Variants in AKAP9 observed in about 807,000 individuals in gnomAD.
AKAP9 encodes A-kinase anchor protein 9.
Under a neutral mutation model 488.5 loss-of-function variants are expected in AKAP9, and 311 were observed. The observed-to-expected ratio is 0.64, with a 90% CI of 0.58 to 0.70. The LOEUF is 0.70. Ranked by LOEUF, AKAP9 falls within the 30% of genes least tolerant of loss-of-function variation. The pLI, the probability that AKAP9 is intolerant of heterozygous loss-of-function variation, is 0.00. For missense variants in AKAP9, 4,215 were observed against 4,374.5 expected (o/e 0.96, Z 1.03); for synonymous variants, 1,462 against 1,483.5 (o/e 0.99, Z 0.33).
intron 8 of AKAP9, among the ~76,000 whole-genome samples, chr7:92,005,229 A>T (rs1178015121): frequency 6.6e-6 from 1 of 152,142 alleles, no homozygotes; most frequent in Admixed American, 6.6e-5. Flanking sequence ...CCAGTATTTT[A>T]TTGAGGATTT....
intron 49 of AKAP9, chr7:92,109,174 G>GA (rs372102409): frequency 5.0e-6 from 1 of 200,014 alleles, no homozygotes; most frequent in East Asian, 7.9e-5. Flanking sequence ...ATGTATCATC[G>GA]AAAAAAACTA....
At chr7:92,044,047 G>A (rs1806561060) in intron 20 of AKAP9, among the ~76,000 whole-genome samples, 1 of 152,172 alleles carries the variant, frequency 6.6e-6, no homozygotes, top group South Asian at 2.1e-4. Flanking sequence ...TTGCATGGTA[G>A]AATGTTCATG....
chr7:91,986,649 A>T (rs931801963), intron 3 of AKAP9, among the ~76,000 whole-genome samples: 1 of 152,184 alleles, frequency 6.6e-6, no homozygotes, highest in Admixed American at 6.5e-5. Flanking sequence ...AATTCTTGTT[A>T]TAATAAGACA....
intron 8 of AKAP9, 65 bp from the exon 9 acceptor site, chr7:92,012,364 A>C (rs1358427880): frequency 2.8e-6 from 4 of 1,453,598 alleles, no homozygotes; most frequent in Non-Finnish European, 3.8e-6. Context: ...ATGCAAAAAA[A>C]AGAAGTTAAA....
At chr7:92,018,233 G>A (rs1202425952) in intron 12 of AKAP9, among the ~76,000 whole-genome samples, 1 of 151,906 alleles carries the variant, frequency 6.6e-6, no homozygotes. Flanking sequence ...ATATTAGGAA[G>A]TATAAACCAG....
In AKAP9 at chr7:92,002,136, C is replaced by T. The variant is rs1254641731; in HGVS notation, c.2219C>T (p.Thr740Ile). The change falls in exon 8 of 50, where the codon ACA (threonine) becomes ATA (isoleucine). Residue 740 changes from threonine (T) to isoleucine (I), a missense_variant. Coordinates refer to ENST00000356239, the MANE Select transcript of AKAP9 (RefSeq NM_005751.5). ...AGACAAGAAGAAAAAGAAAAGGGTACACTTGAACAAGAAGTTCAAGAATTA... is the reference window on the plus strand; with the variant it reads ...AGACAAGAAGAAAAAGAAAAGGGTATACTTGAACAAGAAGTTCAAGAATTA... ...ILRQEEKEKG[T>I]LEQEVQELQL... 6.3e-7 allele frequency: 1 copy of T among 1,593,168 alleles called. No homozygotes were observed. Among genetic ancestry groups the T allele is most frequent in the Non-Finnish European group, 8.5e-7 (1 of 1,173,390 alleles).
chr7:92,102,170 A>AAAATAAATAAAT (rs1554469466), intron 45 of AKAP9, among the ~76,000 whole-genome samples: 5 of 135,004 alleles, frequency 3.7e-5, no homozygotes, highest in South Asian at 4.7e-4. Context: ...ATTTAAAAAA[A>AAAATAAATAAAT]AAATAAATAA....
chr7:91,965,794 AT>A, intron 1 of AKAP9, among the ~76,000 whole-genome samples: 1 of 152,264 alleles, frequency 6.6e-6, no homozygotes, highest in Middle Eastern at 3.4e-3. Flanking sequence ...AACATTGAGC[AT>A]TGTTTCAGAT....
chr7:92,101,114 A>G (rs758859703), intron 45 of AKAP9, 58 bp downstream of exon 45: 10 of 1,535,010 alleles, frequency 6.5e-6, no homozygotes, highest in South Asian at 1.2e-5. Context: ...GCCTTCTTTC[A>G]TCTCTCACTG....
intron 38 of AKAP9, chr7:92,090,152 A>G (rs1483693858): frequency 1.3e-5 from 2 of 152,212 alleles, no homozygotes; most frequent in Admixed American, 6.5e-5. Flanking sequence ...TTTGAACTTT[A>G]TCAATCTGTA....
rs964963962 is a variant in AKAP9, at chr7:92,110,537, C to T, written c.*378C>T. ...AGGCTACTGAAGTTACATGTTTTGC[C>T]TAATATATTCTACTGGTGATGAAGA... On this transcript the variant is annotated 3_prime_UTR_variant, in exon 50 of 50. Transcript: ENST00000356239. The T allele has an allele frequency of 3.0e-5, 8 of 269,104 alleles. No homozygotes were observed. Among genetic ancestry groups the T allele is most frequent in the African/African-American group, 1.5e-4 (7 of 45,500 alleles). The allele number at this position is 269,104 out of a possible 1,614,324, so 16.7% of individuals were successfully genotyped here.
Position 92,038,766 on chromosome 7 carries a change from A to G in AKAP9, c.4686A>G (p.Arg1562=), listed in dbSNP as rs776202697. Residue 1562 remains arginine, a synonymous_variant, in exon 17 of 50, where the codon AGA becomes AGG. Transcript: ENST00000356239. Reference sequence around the variant, plus strand: ...CCAAAGATAAAACATTTATAGTTAGACAGTCTGTAAGTATGCCTCCTTGAA... The same window carrying G: ...CCAAAGATAAAACATTTATAGTTAGGCAGTCTGTAAGTATGCCTCCTTGAA... ...MFSKDKTFIV[R]QSIHDEISVS... 4.4e-6 allele frequency: 7 copies of G among 1,597,976 alleles called. No homozygotes were observed. The highest frequency in any genetic ancestry group is 5.1e-6 in the Non-Finnish European group (6 of 1,169,744).
At chr7:92,052,642 C>A in intron 21 of AKAP9, 84 bp from the exon 22 acceptor site, 1 of 922,666 alleles carries the variant, frequency 1.1e-6, no homozygotes, top group South Asian at 1.7e-5. Context: ...CCATGATTTC[C>A]AGTTTAGTTT....
In AKAP9 at chr7:92,093,315, A is replaced by G. The variant is rs199762211; in HGVS notation, c.9577A>G (p.Arg3193Gly). The G allele has an allele frequency of 6.2e-6, 10 of 1,613,562 alleles. No homozygotes were observed. Among genetic ancestry groups the G allele is most frequent in the Non-Finnish European group, 8.5e-6 (10 of 1,179,798 alleles). ...ACACCTAAAAGAATTGGAGGCTTTCAGGTGTGCCAGGCTTCCTTATTAAAA... is the reference window on the plus strand; with the variant it reads ...ACACCTAAAAGAATTGGAGGCTTTCGGGTGTGCCAGGCTTCCTTATTAAAA... Reference protein sequence around the residue: ...HKHLKELEAFRLEVKDKTDEV... With the variant: ...HKHLKELEAFGLEVKDKTDEV... The change falls in exon 39 of 50, where the codon AGG becomes GGG. Residue 3193 changes from arginine (R) to glycine (G), a missense_variant and splice_region_variant. Physicochemically the swap from Arg to Gly is moderately radical, Grantham distance 125. This residue lies in a region of AKAP9 where 1,476 missense variants were observed against 1,477.4 expected (regional missense o/e 1.00). Transcript: ENST00000356239.
Position 92,001,645 on chromosome 7 carries a change from T to C in AKAP9, c.1728T>C (p.Val576=). The change falls in exon 8 of 50, where the codon GTT becomes GTC. Residue 576 remains valine, a synonymous_variant. Coordinates refer to ENST00000356239, the MANE Select transcript of AKAP9 (RefSeq NM_005751.5). ...TGGAAGATTTGAAAGCTGAGATTGT[T>C]TCTGCATCTGAATCCAGAAAGGAAC... is the stretch of plus-strand genomic sequence containing the variant. ...STVEDLKAEI[V]SASESRKELE... is the part of the protein sequence containing the mutation. 10 of 1,613,192 alleles carry C rather than the reference T, an allele frequency of 6.2e-6. No homozygotes were observed. Among genetic ancestry groups the C allele is most frequent in the Non-Finnish European group, 8.5e-6 (10 of 1,179,498 alleles).
chr7:92,014,411 A>C, intron 10 of AKAP9, 83 bp downstream of exon 10: 1 of 994,972 alleles, frequency 1.0e-6, no homozygotes, highest in East Asian at 2.6e-5. Flanking sequence ...TGAGGTGGTC[A>C]GATCACTTGA....
chr7:92,105,753 A>G lies in AKAP9; in HGVS notation c.11406A>G (p.Gly3802=), dbSNP rs1295589910. ...TCAATATTAACAGAGATGGCTTTGGACTGAATCAAGGTGAAGTCAAAATAG... is the reference window on the plus strand; with the variant it reads ...TCAATATTAACAGAGATGGCTTTGGGCTGAATCAAGGTGAAGTCAAAATAG... ...VSININRDGF[G]LNQGAEKTDS... is the part of the protein sequence containing the mutation. Residue 3802 remains glycine (G), a synonymous_variant, in exon 47 of 50, where the codon GGA becomes GGG. Transcript: ENST00000356239. The G allele has an allele frequency of 1.9e-5, 31 of 1,613,786 alleles. No homozygotes were observed. The Admixed American group carries it at 4.8e-4, about 25-fold the overall frequency.
Position 92,002,528 on chromosome 7 carries a change from C to T in AKAP9, c.2611C>T (p.Leu871Phe). The T allele has an allele frequency of 1.9e-6, 3 of 1,610,332 alleles. No individual in the cohort carries two copies. The highest frequency in any genetic ancestry group is 2.5e-6 in the Non-Finnish European group (3 of 1,178,502). ...YQELQEEYAC[L>F]LKVKDDLEDS... ...AGAGTTACAAGAGGAGTATGCTTGCCTTCTCAAAGTAAAAGATGATTTAGA... is the reference window on the plus strand; with the variant it reads ...AGAGTTACAAGAGGAGTATGCTTGCTTTCTCAAAGTAAAAGATGATTTAGA... The change falls in exon 8 of 50, where the codon CTT (leucine) becomes TTT (phenylalanine). Residue 871 changes from leucine (L) to phenylalanine (F), a missense_variant. Transcript: ENST00000356239.
intron 12 of AKAP9, 129 bp downstream of exon 12, chr7:92,017,231 A>C: frequency 1.4e-6 from 1 of 737,438 alleles, no homozygotes; most frequent in East Asian, 2.8e-5. Flanking sequence ...GAAAAGTGAC[A>C]TATATTTGTA....
Sources: allele counts gnomAD v4.1 joint callset (sites outside exome capture counted in the v4.1 genomes callset), GRCh38; gene constraint gnomAD v4.1.1; regional missense constraint gnomAD v4.1.1; transcripts MANE v1.5; gene names NCBI Gene and HGNC (gene_info 2026-07-23, HGNC 2026-07-21).